Variants in PLCH2 observed in about 807,000 individuals in gnomAD.
The protein encoded by PLCH2 is phospholipase C eta 2.
A neutral mutation model predicts 134.7 loss-of-function variants in PLCH2; 98 were observed. That is an observed-to-expected ratio of 0.73 (90% CI 0.62 to 0.86). The LOEUF is 0.86. PLCH2 is among the 40% of genes least tolerant of loss of function. The pLI is 0.00. For synonymous variants in PLCH2, 974 were observed against 827.5 expected (o/e 1.18, Z -3.04); for missense variants, 1,994 against 1,986.6 (o/e 1.00, Z -0.07).
chr1:2,428,511 C>T (rs1638911086), intron 1 of PLCH2, among the ~76,000 whole-genome samples: 1 of 152,258 alleles, frequency 6.6e-6, no homozygotes, highest in African/African-American at 2.4e-5. Context: ...CGGTGCCGTG[C>T]TGTGGGGCCC....
At chr1:2,420,701 A>T in the PLCH2 span, among the ~76,000 whole-genome samples, 1 of 152,180 alleles carries the variant, frequency 6.6e-6, no homozygotes, top group South Asian at 2.1e-4. Context: ...CATTTTGAAA[A>T]ATCTCCTCTT....
intron 1 of PLCH2, among the ~76,000 whole-genome samples, chr1:2,471,045 G>T (rs1641299437): frequency 6.7e-6 from 1 of 148,558 alleles, no homozygotes; most frequent in Non-Finnish European, 1.5e-5. Flanking sequence ...ACACACAATG[G>T]GGGGGGCACT....
In PLCH2 at chr1:2,494,860, A is replaced by G; in HGVS notation, c.1664A>G (p.Lys555Arg). Residue 555 changes from lysine (K) to arginine (R), a missense_variant, in exon 12 of 22, where the codon AAG (lysine) becomes AGG (arginine). By Grantham distance (26) the Lys-to-Arg change is conservative (BLOSUM62 2). Coordinates refer to ENST00000378486, the MANE Select transcript of PLCH2 (RefSeq NM_014638.4). ...SPSGKLGRKS[K>R]AEEDVESGED... ...CTGTCTCTCCCCTGGACTCAGAGCA[A>G]GGCTGAAGAGGACGTGGAGTCTGGG... 2 of 1,603,908 alleles carry G rather than the reference A, an allele frequency of 1.2e-6. No homozygotes were observed. The highest frequency in any genetic ancestry group is 8.5e-7 in the Non-Finnish European group (1 of 1,175,434).
chr1:2,496,681 C>A lies in PLCH2; in HGVS notation c.1910C>A (p.Ala637Asp). 6 of 1,611,790 alleles carry A rather than the reference C, an allele frequency of 3.7e-6. No individual in the cohort carries two copies. Among genetic ancestry groups the A allele is most frequent in the African/African-American group, 1.3e-5 (1 of 75,050 alleles). ...CTGGTGAAGTACACCAAGTCCGTGG[C>A]CACCCACGACATAGAGATGGAGGGT... ...SDLVKYTKSVATHDIEMEAAS... is the reference protein window; with the variant it reads ...SDLVKYTKSVDTHDIEMEAAS... The change falls in exon 14 of 22, where the codon GCC becomes GAC. Residue 637 changes from alanine (A) to aspartate (D), a missense_variant. Physicochemically the swap from Ala to Asp is moderately radical, Grantham distance 126. Transcript: ENST00000378486.
chr1:2,491,660 G>A (rs1027397448), intron 11 of PLCH2, among the ~76,000 whole-genome samples: 2 of 152,194 alleles, frequency 1.3e-5, no homozygotes, highest in East Asian at 1.9e-4. Flanking sequence ...GCCCTCAGGG[G>A]CTGTCATGGC....
At chr1:2,499,338 G>A in intron 19 of PLCH2, 108 bp downstream of exon 19, 2 of 1,295,182 alleles carry the variant, frequency 1.5e-6, no homozygotes, top group Non-Finnish European at 1.1e-6. Flanking sequence ...CCTGCACCTG[G>A]CACCAAAGAG....
intron 2 of PLCH2, among the ~76,000 whole-genome samples, chr1:2,456,540 C>T (rs1640503165): frequency 6.6e-6 from 1 of 152,230 alleles, no homozygotes; most frequent in African/African-American, 2.4e-5. Flanking sequence ...CGTGAGGTCA[C>T]CGGGGTGGCT....
At chr1:2,497,236 C>T (rs1052269239) in intron 15 of PLCH2, among the ~76,000 whole-genome samples, 3 of 152,242 alleles carry the variant, frequency 2.0e-5, no homozygotes, top group Admixed American at 1.3e-4. Flanking sequence ...GATGTGGGAG[C>T]GATGGTGCAG....
chr1:2,434,516 T>C (rs1286103211), intron 2 of PLCH2, among the ~76,000 whole-genome samples: 1 of 152,252 alleles, frequency 6.6e-6, no homozygotes, highest in East Asian at 1.9e-4. Context: ...ACAAAGCAGC[T>C]GCCGCCAGGT....
intron 2 of PLCH2, among the ~76,000 whole-genome samples, chr1:2,430,968 G>T (rs1163336968): frequency 6.6e-6 from 1 of 152,206 alleles, no homozygotes; most frequent in Non-Finnish European, 1.5e-5. Flanking sequence ...AGCTCACGAT[G>T]CTTCCTTCTT....
chr1:2,469,980 C>T (rs1020760949), intron 1 of PLCH2, among the ~76,000 whole-genome samples: 11 of 152,222 alleles, frequency 7.2e-5, no homozygotes, highest in African/African-American at 2.4e-4. Flanking sequence ...TGTGGAACCC[C>T]CTCCAGCTCT....
chr1:2,477,329 C>T (rs1240274837), intron 1 of PLCH2, among the ~76,000 whole-genome samples: 1 of 152,144 alleles, frequency 6.6e-6, no homozygotes, highest in African/African-American at 2.4e-5. Flanking sequence ...GTCTTCACCT[C>T]CCATGTGCCC....
chr1:2,501,845 A>T, intron 20 of PLCH2: 1 of 441,120 alleles, frequency 2.3e-6, no homozygotes, highest in Non-Finnish European at 4.0e-6. Context: ...TGGACAGGTC[A>T]GGCGAGGGCA....
chr1:2,486,745 G>A (rs2100680408), intron 5 of PLCH2, among the ~76,000 whole-genome samples, 162 bp from the exon 6 acceptor site: 1 of 152,352 alleles, frequency 6.6e-6, no homozygotes, highest in Middle Eastern at 3.4e-3. Flanking sequence ...AAAGCCACGT[G>A]ATCCACGGTA....
chr1:2,433,631 C>G (rs752097797), intron 2 of PLCH2, among the ~76,000 whole-genome samples: 1 of 152,236 alleles, frequency 6.6e-6, no homozygotes, highest in Non-Finnish European at 1.5e-5. Flanking sequence ...CCTTCGGACT[C>G]TACACCGGCT....
chr1:2,501,448 G>C (rs1338154070), intron 20 of PLCH2: 1 of 152,354 alleles, frequency 6.6e-6, no homozygotes, highest in Non-Finnish European at 1.5e-5. Context: ...CAGGGCTCAG[G>C]GGGCAGCAAG....
Position 2,478,452 on chromosome 1 carries a change from C to T in PLCH2, c.125-24C>T, listed in dbSNP as rs759700503. 24 of 1,608,490 alleles carry T rather than the reference C, an allele frequency of 1.5e-5. No homozygotes were observed. In the Middle Eastern group the frequency reaches 1.2e-3, roughly 77 times the overall value. The stretch of plus-strand genomic sequence containing the variant: ...CGAGGAGTGGCTGTGCCTCCGCTGA[C>T]AGCCGTGTCTCTCCCGTGTCCAGTG... On this transcript the variant is annotated intron_variant, in intron 1 of 21. Coordinates refer to ENST00000378486, the MANE Select transcript of PLCH2 (RefSeq NM_014638.4).
intron 2 of PLCH2, among the ~76,000 whole-genome samples, chr1:2,440,931 C>G (rs1639663823): frequency 6.6e-6 from 1 of 152,178 alleles, no homozygotes; most frequent in Admixed American, 6.5e-5. Context: ...GGGGCCTCAT[C>G]TGAGGCCACT....
chr1:2,479,659 C>T (rs1161185980), intron 2 of PLCH2, 75 bp from the exon 3 acceptor site: 29 of 1,456,908 alleles, frequency 2.0e-5, no homozygotes, highest in East Asian at 5.0e-5. Context: ...GCTTGGTCTC[C>T]GCAGTGTTGG....
Sources: gnomAD v4.1 joint callset for allele counts (sites outside exome capture counted in the v4.1 genomes callset) on GRCh38, gnomAD v4.1.1 for gene constraint, MANE v1.5 for transcripts, NCBI Gene and HGNC (gene_info 2026-07-23, HGNC 2026-07-21) for gene names.